RUFY3: variants seen among roughly 807,000 people sequenced by gnomAD.
RUFY3 encodes the protein RUN and FYVE domain containing 3, also known as protein RUFY3.
RUFY3 carries 34 observed loss-of-function variants against 84.0 expected under a neutral mutation model. That is an observed-to-expected ratio of 0.40 (90% CI 0.31 to 0.54). The LOEUF (loss-of-function observed/expected upper bound fraction) is 0.54, where lower values mean the gene tolerates loss of function less well. Among genes scored for constraint, RUFY3 ranks in the 20% least tolerant of loss-of-function variants. The pLI, the probability that RUFY3 is intolerant of heterozygous loss-of-function variation, is 0.39. For synonymous variants in RUFY3, 242 were observed against 252.9 expected, an observed-to-expected ratio of 0.96 and a Z score of 0.41; for missense variants, 507 against 736.8, an observed-to-expected ratio of 0.69 and a Z score of 3.61.
At chr4:70,730,175 G>A (rs1226458090) in intron 1 of RUFY3, among the ~76,000 whole-genome samples, 3 of 151,416 alleles carry the variant, frequency 2.0e-5, no homozygotes, top group Admixed American at 6.6e-5. Context: ...AACCTGCCTC[G>A]GCCTCCCAAA....
intron 12 of RUFY3, 35 bp from the exon 13 acceptor site, chr4:70,793,750 G>GT (rs758376328): frequency 1.2e-6 from 2 of 1,613,448 alleles, no homozygotes; most frequent in Non-Finnish European, 1.7e-6. Flanking sequence ...CATGGCTTTT[G>GT]TTTTTTATCA....
rs1371943585 is a variant in RUFY3, at chr4:70,807,359, C to G, written c.*700C>G. The G allele has an allele frequency of 6.6e-6, 1 of 152,096 alleles. No homozygotes were observed. The highest frequency in any genetic ancestry group is 1.5e-5 in the Non-Finnish European group (1 of 68,032). 9.4% of individuals were successfully genotyped at this position (152,096 alleles called of 1,614,324 possible). A position where few individuals can be genotyped will look rare whatever the true frequency, so the allele number is the denominator to read the frequency against. ...TTTATGACTTCAAAGTAAATAACTG[C>G]CCTTTTCAGAATCTCCTTCCACAAA... On this transcript the variant is annotated 3_prime_UTR_variant, in exon 18 of 18. Coordinates refer to ENST00000381006, the MANE Select transcript of RUFY3 (RefSeq NM_001037442.4).
intron 12 of RUFY3, chr4:70,793,288 A>C: frequency 1.0e-6 from 1 of 996,186 alleles, no homozygotes; most frequent in Middle Eastern, 5.1e-4. Flanking sequence ...CCCATGATTT[A>C]ATATATGTGG....
At position 70,741,766 on chromosome 4, in the gene RUFY3, A is replaced by T. The variant is rs1472678674; in HGVS notation, c.178+19015A>T. 5.8e-6 allele frequency: 6 copies of T among 1,039,028 alleles called. No homozygotes were observed. In the East Asian group the frequency reaches 1.8e-4, roughly 31 times the overall value. 64.4% of individuals were successfully genotyped at this position (1,039,028 alleles called of 1,614,324 possible). Reference sequence around the variant, plus strand: ...CCTTTTAATTGTTTTCCGTAAGAGGAAATGTCAGCTTTAGGTTTTATTTCC... The same window carrying T: ...CCTTTTAATTGTTTTCCGTAAGAGGTAATGTCAGCTTTAGGTTTTATTTCC... On this transcript the variant is annotated intron_variant, in intron 1 of 17. Transcript: ENST00000381006.
chr4:70,763,738 C>T, intron 3 of RUFY3, 69 bp downstream of exon 3: 1 of 1,543,960 alleles, frequency 6.5e-7, no homozygotes. Context: ...AAGAGCAAGA[C>T]TAAAGACAAT....
At chr4:70,771,179 G>C (rs767588629) in intron 5 of RUFY3, among the ~76,000 whole-genome samples, 4 of 152,132 alleles carry the variant, frequency 2.6e-5, no homozygotes, top group African/African-American at 9.7e-5. Context: ...GTGAAACCGA[G>C]ACATGAAGCG....
At chr4:70,798,554 G>C (rs1399760772) in intron 14 of RUFY3, among the ~76,000 whole-genome samples, 1 of 151,686 alleles carries the variant, frequency 6.6e-6, no homozygotes, top group Non-Finnish European at 1.5e-5. Flanking sequence ...GGCCAAGGCG[G>C]GTGGATTGCC....
At chr4:70,740,897 T>C (rs896003322) in intron 1 of RUFY3, among the ~76,000 whole-genome samples, 3 of 152,186 alleles carry the variant, frequency 2.0e-5, no homozygotes, top group African/African-American at 7.2e-5. Flanking sequence ...TGCCTGAACT[T>C]ATTTGGTGTT....
chr4:70,784,088 T>G (rs1729374130), intron 9 of RUFY3, among the ~76,000 whole-genome samples: 1 of 152,236 alleles, frequency 6.6e-6, no homozygotes, highest in Non-Finnish European at 1.5e-5. Flanking sequence ...CTGCTCAGAA[T>G]AATTTTTTTA....
chr4:70,794,424 T>C (rs1436120015), intron 13 of RUFY3, among the ~76,000 whole-genome samples: 2 of 151,992 alleles, frequency 1.3e-5, no homozygotes, highest in African/African-American at 4.8e-5. Context: ...CTACTAAAAA[T>C]ACAAAAATTT....
At chr4:70,733,272 C>T (rs1298481474) in intron 1 of RUFY3, among the ~76,000 whole-genome samples, 4 of 151,584 alleles carry the variant, frequency 2.6e-5, no homozygotes, top group South Asian at 4.2e-4. Flanking sequence ...TATTCTGGAC[C>T]GACTGTATAT....
intron 1 of RUFY3, among the ~76,000 whole-genome samples, chr4:70,724,048 C>T (rs1249299551): frequency 6.6e-6 from 1 of 152,160 alleles, no homozygotes; most frequent in Non-Finnish European, 1.5e-5. Flanking sequence ...AATTAGACAG[C>T]TTTCTTTGGC....
At chr4:70,749,600 G>A (rs940980028) in intron 1 of RUFY3, among the ~76,000 whole-genome samples, 19 of 150,468 alleles carry the variant, frequency 1.3e-4, no homozygotes, top group Admixed American at 7.9e-4. Context: ...CAGGAGGCCA[G>A]CAGCTAAACC....
At chr4:70,707,995 A>G (rs1740528040) in intron 1 of RUFY3, among the ~76,000 whole-genome samples, 1 of 152,188 alleles carries the variant, frequency 6.6e-6, no homozygotes, top group African/African-American at 2.4e-5. Context: ...CTGGTGGCTC[A>G]CACCTGTAAT....
At chr4:70,721,630 A>T (rs765275478), upstream of RUFY3, among the ~76,000 whole-genome samples, 17 of 152,210 alleles carry the variant, frequency 1.1e-4, no homozygotes, top group Admixed American at 2.0e-4. Flanking sequence ...AAGAATTTTA[A>T]TAGCTATGTA....
intron 1 of RUFY3, among the ~76,000 whole-genome samples, chr4:70,712,712 T>C (rs1297988421): frequency 1.3e-5 from 2 of 152,198 alleles, no homozygotes; most frequent in Admixed American, 1.3e-4. Context: ...TGAAATAATT[T>C]TTTTGTTGGC....
At chr4:70,731,616 G>A (rs1391336492) in intron 1 of RUFY3, among the ~76,000 whole-genome samples, 1 of 152,092 alleles carries the variant, frequency 6.6e-6, no homozygotes, top group Admixed American at 6.5e-5. Flanking sequence ...TGCCCAGTCT[G>A]GAGTGCAGTG....
intron 15 of RUFY3, among the ~76,000 whole-genome samples, chr4:70,801,708 G>C (rs755124432): frequency 6.6e-6 from 1 of 152,202 alleles, no homozygotes; most frequent in Non-Finnish European, 1.5e-5. Flanking sequence ...AATTATGCAG[G>C]TGCTTGGCCT....
At chr4:70,747,145 A>T (rs774166747) in intron 1 of RUFY3, among the ~76,000 whole-genome samples, 6 of 152,146 alleles carry the variant, frequency 3.9e-5, no homozygotes, top group Admixed American at 1.3e-4. Context: ...AAGAGAAAAA[A>T]CTTTTCCCAA....
Sources: allele counts gnomAD v4.1 joint callset (sites outside exome capture counted in the v4.1 genomes callset), GRCh38; gene constraint gnomAD v4.1.1; transcripts MANE v1.5; gene names NCBI Gene and HGNC (gene_info 2026-07-23, HGNC 2026-07-21).